Variants in IFT74 observed in about 807,000 individuals in gnomAD.
IFT74 encodes intraflagellar transport 74.
A neutral mutation model predicts 96.7 loss-of-function variants in IFT74; 92 were observed. The observed-to-expected ratio is 0.95, with a 90% CI of 0.80 to 1.13. IFT74 has a LOEUF of 1.13. IFT74 is among the 50% of genes most tolerant of loss of function. IFT74 has a pLI of 0.00. For missense variants in IFT74, 811 were observed against 698.2 expected (o/e 1.16, Z -1.82); for synonymous variants, 223 against 213.2 (o/e 1.05, Z -0.40).
At chr9:26,971,036 G>A (rs947945609) in intron 2 of IFT74, among the ~76,000 whole-genome samples, 1 of 152,302 alleles carries the variant, frequency 6.6e-6, no homozygotes, top group East Asian at 1.9e-4. Flanking sequence ...CATGAAATGG[G>A]TTTCATTGTC....
Position 27,045,474 on chromosome 9 carries a change from A to G in IFT74, c.1108+679A>G, listed in dbSNP as rs1366037169. Among the ~76,000 whole-genome samples the G allele has an allele frequency of 2.6e-5, 4 of 152,044 alleles. No individual in the cohort carries two copies. In the East Asian group the frequency reaches 5.8e-4, roughly 22 times the overall value. ...TCACTTTTATATTTAGCTTTCCATA[A>G]TACTTATCTCATTGTTTATTAGCCC... On this transcript the variant is annotated intron_variant, in intron 14 of 19. Transcript: ENST00000380062.
At chr9:26,952,394 A>G (rs750641449), upstream of IFT74, among the ~76,000 whole-genome samples, 47 of 150,814 alleles carry the variant, frequency 3.1e-4, no homozygotes, top group Non-Finnish European at 5.3e-4. Context: ...CTCCTGCTTC[A>G]GCCTCCCGAG....
chr9:27,039,958 C>T (rs2131671121), intron 13 of IFT74, among the ~76,000 whole-genome samples: 2 of 152,170 alleles, frequency 1.3e-5, no homozygotes, highest in African/African-American at 4.8e-5. Flanking sequence ...TTATAGGCCC[C>T]CACAACTAAT....
intron 8 of IFT74, chr9:26,996,595 A>T (rs1828172741): frequency 3.6e-6 from 3 of 826,960 alleles, no homozygotes; most frequent in Non-Finnish European, 5.0e-6. Flanking sequence ...CATATTTGTC[A>T]TTCTTAAAGG....
chr9:26,948,448 A>ATTATTTTTTTTTTTTTTTTTTTT (rs1825819541), intron 1 of IFT74, among the ~76,000 whole-genome samples: 12 of 59,160 alleles, frequency 2.0e-4, no homozygotes, highest in Non-Finnish European at 4.2e-4. Flanking sequence ...GCTTTCCATT[A>ATTATTTTTTTTTTTTTTTTTTTT]TTTTTTTTTT....
intron 8 of IFT74, among the ~76,000 whole-genome samples, chr9:27,008,319 T>C (rs1194243705): frequency 2.0e-5 from 3 of 152,114 alleles, no homozygotes; most frequent in African/African-American, 7.2e-5. Context: ...GAAAAACTTA[T>C]GGCTAAAGGA....
intron 14 of IFT74, among the ~76,000 whole-genome samples, chr9:27,046,454 G>C (rs530434348): frequency 1.2e-4 from 19 of 152,226 alleles, no homozygotes; most frequent in African/African-American, 4.1e-4. Flanking sequence ...TTTTTTAGAT[G>C]CTCCATAGAA....
Position 27,058,643 on chromosome 9 carries a change from C to T in IFT74, c.1624-1948C>T, listed in dbSNP as rs562910257. The stretch of plus-strand genomic sequence containing the variant: ...CCTTAGGTCATCCACCTGCCTCGGC[C>T]TCCCAAAGTGCTGGGATTGCAGGTG... On this transcript the variant is annotated intron_variant, in intron 18 of 19. Transcript: ENST00000380062. Among the ~76,000 whole-genome samples the T allele has an allele frequency of 5.3e-5, 8 of 152,340 alleles. No individual in the cohort carries two copies. In the South Asian group the frequency reaches 1.7e-3, roughly 32 times the overall value.
At chr9:27,003,686 C>A (rs1003961407) in intron 8 of IFT74, among the ~76,000 whole-genome samples, 2 of 152,104 alleles carry the variant, frequency 1.3e-5, no homozygotes, top group African/African-American at 4.8e-5. Context: ...TGCACATTCC[C>A]CTTCTACCTT....
intron 6 of IFT74, among the ~76,000 whole-genome samples, chr9:26,987,098 G>A (rs111757072): frequency 3.3e-5 from 5 of 151,976 alleles, no homozygotes; most frequent in Non-Finnish European, 7.4e-5. Context: ...CATCCAGGCC[G>A]GAGTGCAGTG....
At chr9:26,999,664 A>G in intron 8 of IFT74, 1 of 1,610,486 alleles carries the variant, frequency 6.2e-7, no homozygotes, top group Admixed American at 1.7e-5. Context: ...GAGAGGGGCC[A>G]AAAGAGGATT....
At chr9:26,963,411 A>G (rs978484961) in intron 2 of IFT74, among the ~76,000 whole-genome samples, 1 of 150,608 alleles carries the variant, frequency 6.6e-6, no homozygotes, top group African/African-American at 2.4e-5. Flanking sequence ...TAATGCCGCA[A>G]TAAACATACG....
intron 1 of IFT74, among the ~76,000 whole-genome samples, chr9:26,948,471 T>A (rs1480827074): frequency 7.1e-4 from 72 of 101,158 alleles, no homozygotes; most frequent in African/African-American, 2.6e-3. Flanking sequence ...TTTTTTTTTT[T>A]TTTTTTTTTT....
At chr9:26,971,235 T>G (rs927340296) in intron 2 of IFT74, among the ~76,000 whole-genome samples, 1 of 152,214 alleles carries the variant, frequency 6.6e-6, no homozygotes, top group Non-Finnish European at 1.5e-5. Context: ...ATTTTAACAC[T>G]TTGGAATGGT....
chr9:26,950,738 C>T (rs1190250884), intron 1 of IFT74, among the ~76,000 whole-genome samples: 1 of 152,186 alleles, frequency 6.6e-6, no homozygotes, highest in Non-Finnish European at 1.5e-5. Context: ...TCACTGTCTG[C>T]TCAACTGAAC....
At chr9:26,994,923 A>G (rs898910741) in intron 8 of IFT74, 1 of 152,406 alleles carries the variant, frequency 6.6e-6, no homozygotes, top group Non-Finnish European at 1.5e-5. Context: ...ACCAGAATCA[A>G]TAGTGACTTA....
chr9:26,995,863 C>T (rs1689509824), intron 8 of IFT74: 1 of 1,562,276 alleles, frequency 6.4e-7, no homozygotes, highest in African/African-American at 1.4e-5. Context: ...TAATGGAATA[C>T]CAAGAGAGGA....
At chr9:26,952,943 T>C (rs1437534417), upstream of IFT74, among the ~76,000 whole-genome samples, 1 of 152,126 alleles carries the variant, frequency 6.6e-6, no homozygotes, top group African/African-American at 2.4e-5. Flanking sequence ...AGCTGACTAG[T>C]CAAATGATTA....
chr9:27,059,489 TAAG>T (rs1463986328), intron 18 of IFT74, among the ~76,000 whole-genome samples: 1 of 152,222 alleles, frequency 6.6e-6, no homozygotes, highest in Non-Finnish European at 1.5e-5. Flanking sequence ...TGATGCATTA[TAAG>T]AAGGCCACCT....
Sources: allele counts gnomAD v4.1 joint callset (sites outside exome capture counted in the v4.1 genomes callset), GRCh38; gene constraint gnomAD v4.1.1; transcripts MANE v1.5; gene names NCBI Gene and HGNC (gene_info 2026-07-23, HGNC 2026-07-21).